PDS5B: variants seen among roughly 807,000 people sequenced by gnomAD.
PDS5B encodes sister chromatid cohesion protein PDS5 homolog B.
Under a neutral mutation model 184.1 loss-of-function variants are expected in PDS5B, and 51 were observed. That is an observed-to-expected ratio of 0.28 (90% CI 0.22 to 0.35). The LOEUF (loss-of-function observed/expected upper bound fraction) is 0.35, where lower values mean the gene tolerates loss of function less well. PDS5B is among the 10% of genes least tolerant of loss of function. The pLI is 1.00. For missense variants in PDS5B, 1,180 were observed against 1,723.3 expected (o/e 0.68, Z 5.58); for synonymous variants, 566 against 569.2 (o/e 0.99, Z 0.08).
chr13:32,706,279 A>AAAAT (rs60222106), intron 17 of PDS5B, among the ~76,000 whole-genome samples: 28,192 of 144,836 alleles, frequency 0.19, 2,938 homozygotes, highest in African/African-American at 0.27. Context: ...CTTCGTCTCA[A>AAAAT]AAATAAATAA....
chr13:32,745,064 A>G (rs1476143522), intron 23 of PDS5B, among the ~76,000 whole-genome samples: 1 of 152,178 alleles, frequency 6.6e-6, no homozygotes, highest in Non-Finnish European at 1.5e-5. Flanking sequence ...AGATGTATTT[A>G]CTAGTCTGGA....
At chr13:32,624,666 GAGC>G (rs2058346015) in intron 1 of PDS5B, among the ~76,000 whole-genome samples, 1 of 152,078 alleles carries the variant, frequency 6.6e-6, no homozygotes, top group Non-Finnish European at 1.5e-5. Context: ...ATGTTTTGTT[GAGC>G]TTGGTATGTG....
intron 1 of PDS5B, among the ~76,000 whole-genome samples, chr13:32,623,539 TAGGAATAAGCAA>T (rs1210587145): frequency 6.6e-6 from 1 of 152,198 alleles, no homozygotes; most frequent in Non-Finnish European, 1.5e-5. Flanking sequence ...GACCTATGTA[TAGGAATAAGCAA>T]AGGCAATTAG....
intron 3 of PDS5B, among the ~76,000 whole-genome samples, chr13:32,653,791 T>A (rs1946155927): frequency 1.3e-5 from 2 of 152,200 alleles, no homozygotes; most frequent in Admixed American, 1.3e-4. Flanking sequence ...AAGGAATGAT[T>A]CCATTTGTTT....
At chr13:32,617,319 C>A (rs556079623) in intron 1 of PDS5B, among the ~76,000 whole-genome samples, 2 of 152,292 alleles carry the variant, frequency 1.3e-5, no homozygotes, top group East Asian at 3.9e-4. Flanking sequence ...ATTGTAGTTA[C>A]ATTATCAGAG....
intron 19 of PDS5B, among the ~76,000 whole-genome samples, chr13:32,714,848 A>G (rs1294582464): frequency 6.6e-6 from 1 of 152,184 alleles, no homozygotes; most frequent in African/African-American, 2.4e-5. Flanking sequence ...TCCTGAGGCG[A>G]TATACATCCT....
intron 17 of PDS5B, among the ~76,000 whole-genome samples, chr13:32,706,650 A>G (rs1003182040): frequency 6.6e-6 from 1 of 152,208 alleles, no homozygotes; most frequent in African/African-American, 2.4e-5. Context: ...TTGGGCTCAG[A>G]CCTGCCATGG....
chr13:32,645,975 T>C (rs1950209917), intron 1 of PDS5B, among the ~76,000 whole-genome samples: 1 of 150,498 alleles, frequency 6.6e-6, no homozygotes, highest in Admixed American at 6.7e-5. Context: ...CACTTTGATG[T>C]GTGTGTGTGG....
intron 29 of PDS5B, among the ~76,000 whole-genome samples, chr13:32,760,273 G>A (rs888099325): frequency 2.0e-5 from 3 of 152,096 alleles, no homozygotes; most frequent in Non-Finnish European, 4.4e-5. Flanking sequence ...ATATTCTTAT[G>A]TCTTTCCATG....
intron 1 of PDS5B, among the ~76,000 whole-genome samples, chr13:32,623,503 T>C (rs1294380727): frequency 6.6e-6 from 1 of 152,174 alleles, no homozygotes; most frequent in Admixed American, 6.5e-5. Context: ...TGCTTTAAAC[T>C]ATAAACATAG....
At chr13:32,771,726 T>C (rs1459627518) in intron 33 of PDS5B, among the ~76,000 whole-genome samples, 1 of 152,146 alleles carries the variant, frequency 6.6e-6, no homozygotes, top group African/African-American at 2.4e-5. Flanking sequence ...TTTATAAATG[T>C]GTTTGGATTC....
intron 21 of PDS5B, among the ~76,000 whole-genome samples, chr13:32,735,988 A>G (rs1445057961): frequency 1.3e-5 from 2 of 151,950 alleles, no homozygotes; most frequent in African/African-American, 2.4e-5. Flanking sequence ...TCATTTTACC[A>G]GTCTGTTTTA....
chr13:32,616,215 A>T (rs2058217429), intron 1 of PDS5B, among the ~76,000 whole-genome samples: 1 of 151,618 alleles, frequency 6.6e-6, no homozygotes, highest in Admixed American at 6.6e-5. Context: ...CACCACACCC[A>T]GCTAATTTTT....
chr13:32,729,643 C>A (rs983534982), intron 19 of PDS5B, among the ~76,000 whole-genome samples: 1 of 152,170 alleles, frequency 6.6e-6, no homozygotes, highest in Non-Finnish European at 1.5e-5. Flanking sequence ...GCAATTCTAA[C>A]TGATGTGAGA....
At chr13:32,638,019 A>G (rs1490997959) in intron 1 of PDS5B, among the ~76,000 whole-genome samples, 1 of 152,178 alleles carries the variant, frequency 6.6e-6, no homozygotes, top group Non-Finnish European at 1.5e-5. Context: ...GGGGTTGCTT[A>G]TGCATCTACA....
At chr13:32,733,560 A>T (rs1178848591) in intron 20 of PDS5B, among the ~76,000 whole-genome samples, 1 of 152,164 alleles carries the variant, frequency 6.6e-6, no homozygotes, top group Middle Eastern at 3.2e-3. Context: ...TTTTTGACTA[A>T]ATGAAGCCTC....
intron 18 of PDS5B, among the ~76,000 whole-genome samples, chr13:32,707,296 A>G (rs1952055110): frequency 6.6e-6 from 1 of 152,176 alleles, no homozygotes; most frequent in African/African-American, 2.4e-5. Context: ...ATTAGTGAGC[A>G]AAGAAGGTAC....
rs199755143 is a variant in PDS5B, at chr13:32,670,534, AT to A, written c.706-2673del. ...TGAACCACCATGCCCAGCCTAGGTT[AT>A]TTTTTTTTAAATAGAATTTGTTGTA... On this transcript the variant is annotated intron_variant, in intron 7 of 34. Coordinates refer to ENST00000315596, the MANE Select transcript of PDS5B (RefSeq NM_015032.4). Among the ~76,000 whole-genome samples the A allele has an allele frequency of 4.6e-5, 7 of 151,650 alleles. No homozygotes were observed. The East Asian group carries it at 7.7e-4, about 17-fold the overall frequency.
chr13:32,643,137 G>T (rs1021192649), intron 1 of PDS5B, among the ~76,000 whole-genome samples: 1 of 152,034 alleles, frequency 6.6e-6, no homozygotes, highest in Non-Finnish European at 1.5e-5. Context: ...CTGAAATAAG[G>T]CAGAGAGACT....
Sources: gnomAD v4.1 joint callset for allele counts (sites outside exome capture counted in the v4.1 genomes callset) on GRCh38, gnomAD v4.1.1 for gene constraint, MANE v1.5 for transcripts, NCBI Gene and HGNC (gene_info 2026-07-23, HGNC 2026-07-21) for gene names.